CRPPA: variants seen among roughly 807,000 people sequenced by gnomAD.
CRPPA encodes D-ribitol-5-phosphate cytidylyltransferase.
A neutral mutation model predicts 52.0 loss-of-function variants in CRPPA; 43 were observed. The ratio of observed to expected loss-of-function variants is 0.83; its 90% confidence interval spans 0.65 to 1.07. The LOEUF is 1.07. Among genes scored for constraint, CRPPA ranks in the 50% least tolerant of loss-of-function variants. CRPPA has a pLI of 0.00. For synonymous variants in CRPPA, 250 were observed against 203.5 expected, an observed-to-expected ratio of 1.23 and a Z score of -1.94; for missense variants, 629 against 551.7, an observed-to-expected ratio of 1.14 and a Z score of -1.40.
At chr7:16,337,966 A>T (rs1305952189) in intron 3 of CRPPA, among the ~76,000 whole-genome samples, 1 of 152,080 alleles carries the variant, frequency 6.6e-6, no homozygotes, top group Non-Finnish European at 1.5e-5. Flanking sequence ...GCCCACCCCA[A>T]ACAGAGGGGA....
At chr7:16,094,517 G>C (rs1378453686) in intron 9 of CRPPA, among the ~76,000 whole-genome samples, 2 of 152,098 alleles carry the variant, frequency 1.3e-5, no homozygotes, top group African/African-American at 2.4e-5. Context: ...TCCTTGAGGA[G>C]AGTGGGGAGC....
At position 16,161,716 on chromosome 7, in the gene CRPPA, G is replaced by A. The variant is rs1780893299; in HGVS notation, c.1251+54350C>T. Among the ~76,000 whole-genome samples, 6 of 152,224 alleles carry A rather than the reference G, an allele frequency of 3.9e-5. 1 individual carries two copies. The South Asian group carries it at 1.2e-3, about 32-fold the overall frequency. The stretch of plus-strand genomic sequence containing the variant: ...CTGGACTCACAAAATCAGTAGGGAG[G>A]AGTCCCTCTTTTTCTATTGTTTGGA... On this transcript the variant is annotated intron_variant, in intron 9 of 9. Transcript: ENST00000407010.
In CRPPA at chr7:16,406,278, T is replaced by C; in HGVS notation, c.317A>G (p.Lys106Arg). 2 of 1,613,936 alleles carry C rather than the reference T, an allele frequency of 1.2e-6. No individual in the cohort carries two copies. Among genetic ancestry groups the C allele is most frequent in the South Asian group, 1.1e-5 (1 of 91,084 alleles). Reference sequence around the variant, plus strand: ...ATGCTGATACTTCTGAATAATACTTTTCATTACTTCCATGTTCTCTCCAGT... The same window carrying C: ...ATGCTGATACTTCTGAATAATACTTCTCATTACTTCCATGTTCTCTCCAGT... ...AVTGENMEVM[K>R]SIIQKYQHKR... Residue 106 changes from lysine to arginine, a missense_variant, in exon 2 of 10, where the codon AAA becomes AGA. Transcript: ENST00000407010.
intron 9 of CRPPA, among the ~76,000 whole-genome samples, chr7:16,095,220 T>G (rs1037597918): frequency 1.3e-5 from 2 of 152,182 alleles, no homozygotes; most frequent in African/African-American, 4.8e-5. Context: ...GCAATTTATT[T>G]TTGCACACTG....
intron 9 of CRPPA, among the ~76,000 whole-genome samples, chr7:16,145,971 AAAGAACCTC>A (rs1231014102): frequency 6.6e-6 from 1 of 152,116 alleles, no homozygotes. Flanking sequence ...TTCAATGTAA[AAAGAACCTC>A]AAGTAAGTGG....
chr7:16,301,329 T>G, intron 5 of CRPPA, 92 bp downstream of exon 5: 31 of 1,021,646 alleles, frequency 3.0e-5, no homozygotes, highest in Non-Finnish European at 4.4e-5. Flanking sequence ...TTTCTGCTTT[T>G]GAGATTGCTG....
At chr7:16,353,096 C>T (rs1562649029) in intron 3 of CRPPA, among the ~76,000 whole-genome samples, 1 of 152,056 alleles carries the variant, frequency 6.6e-6, no homozygotes. Flanking sequence ...TGGCTCACAC[C>T]TGTAATCCCA....
At chr7:16,116,073 G>T (rs577908262) in intron 9 of CRPPA, among the ~76,000 whole-genome samples, 2 of 152,158 alleles carry the variant, frequency 1.3e-5, no homozygotes, top group South Asian at 2.1e-4. Flanking sequence ...TAAAAATCGG[G>T]ATATTTACAT....
chr7:16,252,812 C>A (rs181161761), intron 8 of CRPPA, among the ~76,000 whole-genome samples: 10 of 152,100 alleles, frequency 6.6e-5, no homozygotes, highest in Admixed American at 2.6e-4. Context: ...AGGGATTCAA[C>A]TTCTTCCTGC....
Position 16,374,199 on chromosome 7 carries a change from C to T in CRPPA, c.684+1893G>A, listed in dbSNP as rs1290484010. Among the ~76,000 whole-genome samples the T allele has an allele frequency of 7.9e-5, 12 of 152,090 alleles. 1 individual carries two copies. Among genetic ancestry groups the T allele is most frequent in the Admixed American group, 6.5e-4 (10 of 15,268 alleles). On this transcript the variant is annotated intron_variant, in intron 3 of 9. Transcript: ENST00000407010. ...GGGACAATTCAATTGGTTGCCAGCA[C>T]AGCTAGAACGAAGCAGGCAGAAGAA...
At chr7:16,108,643 C>T (rs912817344) in intron 9 of CRPPA, among the ~76,000 whole-genome samples, 31 of 151,862 alleles carry the variant, frequency 2.0e-4, no homozygotes, top group South Asian at 1.0e-3. Flanking sequence ...TGTCCAACAG[C>T]AATAGAATAC....
intron 8 of CRPPA, among the ~76,000 whole-genome samples, chr7:16,220,916 A>C (rs1782481156): frequency 6.6e-6 from 1 of 152,176 alleles, no homozygotes; most frequent in Admixed American, 6.5e-5. Flanking sequence ...GCTACCAGTG[A>C]CTTTCTTCAC....
chr7:16,092,384 T>C (rs1781855194), intron 9 of CRPPA, among the ~76,000 whole-genome samples: 1 of 152,152 alleles, frequency 6.6e-6, no homozygotes, highest in Admixed American at 6.5e-5. Flanking sequence ...ACAGAGCTAA[T>C]ATCTTTCAGG....
intron 5 of CRPPA, among the ~76,000 whole-genome samples, chr7:16,286,063 ATATATATATAT>A (rs1784432851): frequency 5.2e-5 from 2 of 38,428 alleles, no homozygotes; most frequent in African/African-American, 3.1e-4. Flanking sequence ...ATATATATAT[ATATATATATAT>A]ATATATAATA....
At chr7:16,317,841 T>C (rs941532539) in intron 3 of CRPPA, among the ~76,000 whole-genome samples, 8 of 152,200 alleles carry the variant, frequency 5.3e-5, no homozygotes, top group African/African-American at 9.6e-5. Context: ...TTAATGGCTA[T>C]ACCAATTTAT....
chr7:16,421,178 C>G lies in CRPPA; in HGVS notation c.145G>C (p.Ala49Pro). The G allele has an allele frequency of 7.5e-7, 1 of 1,340,992 alleles. No individual in the cohort carries two copies. The highest frequency in any genetic ancestry group is 2.0e-5 in the South Asian group (1 of 49,044). 83.1% of individuals were successfully genotyped at this position (1,340,992 alleles called of 1,614,324 possible). A position where few individuals can be genotyped will look rare whatever the true frequency, so the allele number is the denominator to read the frequency against. Residue 49 changes from alanine (A) to proline (P), a missense_variant, in exon 1 of 10, where the codon GCT becomes CCT. Physicochemically the swap from Ala to Pro is conservative, Grantham distance 27. Coordinates refer to ENST00000407010, the MANE Select transcript of CRPPA (RefSeq NM_001101426.4). ...EPGRHPQAVA[A>P]VLPAGGCGER... The stretch of plus-strand genomic sequence containing the variant: ...CCGCACCCCCCGGCAGGCAACACAG[C>G]TGCCACGGCTTGCGGGTGGCGCCCG...
At chr7:16,403,459 C>T (rs970498671) in intron 2 of CRPPA, among the ~76,000 whole-genome samples, 1 of 151,980 alleles carries the variant, frequency 6.6e-6, no homozygotes, top group African/African-American at 2.4e-5. Context: ...CATAACCCAC[C>T]CCTCCCCCTA....
chr7:16,327,436 C>CA (rs889434287), intron 3 of CRPPA, among the ~76,000 whole-genome samples: 5 of 150,836 alleles, frequency 3.3e-5, no homozygotes, highest in South Asian at 2.1e-4. Flanking sequence ...ACTAAAAATA[C>CA]AAAAAAATTA....
At chr7:16,117,343 G>A (rs1405839750) in intron 9 of CRPPA, among the ~76,000 whole-genome samples, 2 of 152,170 alleles carry the variant, frequency 1.3e-5, no homozygotes, top group Admixed American at 1.3e-4. Flanking sequence ...AACTGAGCAC[G>A]TAGTCATATC....
Sources: allele counts gnomAD v4.1 joint callset (sites outside exome capture counted in the v4.1 genomes callset), GRCh38; gene constraint gnomAD v4.1.1; transcripts MANE v1.5; gene names NCBI Gene and HGNC (gene_info 2026-07-23, HGNC 2026-07-21).